The following NHEJ1 variants were observed in gnomAD, a reference collection of about 807,000 sequenced individuals.
NHEJ1 encodes the protein non-homologous end-joining factor 1.
A neutral mutation model predicts 39.4 loss-of-function variants in NHEJ1; 22 were observed. The observed-to-expected ratio is 0.56, with a 90% confidence interval of 0.40 to 0.80. NHEJ1 has a LOEUF of 0.80. Among genes scored for constraint, NHEJ1 ranks in the 30% least tolerant of loss-of-function variants. The probability of loss-of-function intolerance (pLI) is 0.00; values close to 1 mark genes in which losing one functional copy is unlikely to be tolerated. For missense variants in NHEJ1, 329 were observed against 357.1 expected (o/e 0.92, Z 0.63); for synonymous variants, 154 against 135.6 (o/e 1.14, Z -0.94).
intron 5 of NHEJ1, among the ~76,000 whole-genome samples, chr2:219,082,183 A>C (rs1468767136): frequency 6.6e-6 from 1 of 152,188 alleles, no homozygotes; most frequent in African/African-American, 2.4e-5. Flanking sequence ...TGATTTTTTC[A>C]ACAGCCACAA....
chr2:219,109,184 G>A (rs936473190), intron 5 of NHEJ1, among the ~76,000 whole-genome samples: 1 of 152,072 alleles, frequency 6.6e-6, no homozygotes, highest in Non-Finnish European at 1.5e-5. Context: ...ACATCTCAAT[G>A]CCAGTCTTTT....
intron 5 of NHEJ1, among the ~76,000 whole-genome samples, chr2:219,108,668 G>A (rs552726364): frequency 6.6e-6 from 1 of 152,250 alleles, no homozygotes; most frequent in East Asian, 1.9e-4. Context: ...TTTTATGAGA[G>A]TGCTATAAAT....
At chr2:219,098,700 C>T (rs1559190289) in intron 5 of NHEJ1, among the ~76,000 whole-genome samples, 1 of 152,072 alleles carries the variant, frequency 6.6e-6, no homozygotes, top group Non-Finnish European at 1.5e-5. Context: ...CCTGTAATTC[C>T]ACCACTTTGA....
chr2:219,079,467 C>T (rs1949043527), intron 5 of NHEJ1, among the ~76,000 whole-genome samples: 1 of 152,204 alleles, frequency 6.6e-6, no homozygotes, highest in South Asian at 2.1e-4. Flanking sequence ...AAAGCAGGTG[C>T]TGAACCAGTC....
chr2:219,148,584 A>G (rs574823186), intron 3 of NHEJ1, among the ~76,000 whole-genome samples: 1 of 152,266 alleles, frequency 6.6e-6, no homozygotes, highest in South Asian at 2.1e-4. Context: ...AAACAAACAA[A>G]CAAATGAGAA....
chr2:219,150,887 C>T (rs936546790), intron 3 of NHEJ1, among the ~76,000 whole-genome samples: 5 of 151,168 alleles, frequency 3.3e-5, no homozygotes, highest in African/African-American at 9.7e-5. Flanking sequence ...ACCCAGGAGG[C>T]GGAGGGTGCA....
At chr2:219,119,714 T>C (rs1010228842) in intron 5 of NHEJ1, among the ~76,000 whole-genome samples, 3 of 152,096 alleles carry the variant, frequency 2.0e-5, no homozygotes, top group South Asian at 4.1e-4. Context: ...TCACCATAAA[T>C]CCTAAAGGAA....
At chr2:219,081,232 G>A (rs1222660299) in intron 5 of NHEJ1, among the ~76,000 whole-genome samples, 1 of 152,190 alleles carries the variant, frequency 6.6e-6, no homozygotes, top group Admixed American at 6.5e-5. Flanking sequence ...ATATACTAGG[G>A]AAGAGAGGTG....
chr2:219,085,175 CAG>C (rs1949100576), intron 5 of NHEJ1, among the ~76,000 whole-genome samples: 2 of 152,230 alleles, frequency 1.3e-5, no homozygotes, highest in Admixed American at 1.3e-4. Context: ...ACAGTTTCCT[CAG>C]AGTCTGAGAG....
At chr2:219,121,599 G>C (rs1191193871) in intron 5 of NHEJ1, among the ~76,000 whole-genome samples, 1 of 151,964 alleles carries the variant, frequency 6.6e-6, no homozygotes, top group East Asian at 1.9e-4. Context: ...CTGGCACTTC[G>C]GAAGGCTGAG....
rs567974959 is a variant in NHEJ1, at chr2:219,098,026, G to A, written c.589-19820C>T. Among the ~76,000 whole-genome samples, 4 of 152,316 alleles carry A rather than the reference G, an allele frequency of 2.6e-5. No individual in the cohort carries two copies. In the East Asian group the frequency reaches 7.7e-4, roughly 29 times the overall value. On this transcript the variant is annotated intron_variant, in intron 5 of 7. Transcript: ENST00000356853. ...TGCTCTGGAAACCAAATGAAAGTAT[G>A]TCGAGAAGGACTGGGCGACCAACTC... is the stretch of plus-strand genomic sequence containing the variant.
In NHEJ1 at chr2:219,145,783, T is replaced by C. The variant is rs1255706280; in HGVS notation, c.588+897A>G. ...TCCCATCTCTACTAAAAATACAAAA[T>C]TAGCTGGGTGTGGTGGCACATGCCT... is the stretch of plus-strand genomic sequence containing the variant. On this transcript the variant is annotated intron_variant, in intron 5 of 7. Coordinates refer to ENST00000356853, the MANE Select transcript of NHEJ1 (RefSeq NM_024782.3). 2.6e-5 allele frequency among the ~76,000 whole-genome samples: 4 copies of C among 151,962 alleles called. No homozygotes were observed. In the East Asian group the frequency reaches 7.8e-4, roughly 30 times the overall value.
chr2:219,142,706 C>G (rs1949703294), intron 5 of NHEJ1, among the ~76,000 whole-genome samples: 1 of 152,198 alleles, frequency 6.6e-6, no homozygotes, highest in Admixed American at 6.5e-5. Flanking sequence ...TGCCGTGTAA[C>G]AACAGTCCCT....
intron 5 of NHEJ1, among the ~76,000 whole-genome samples, chr2:219,106,370 A>G (rs997759530): frequency 1.1e-4 from 17 of 152,182 alleles, no homozygotes; most frequent in Admixed American, 9.2e-4. Context: ...GGCCTAAGTG[A>G]CGTCTGAGAC....
Position 219,076,006 on chromosome 2 carries a change from A to G in NHEJ1, c.*375T>C. The G allele has an allele frequency of 2.6e-6, 1 of 386,174 alleles. No homozygotes were observed. Among genetic ancestry groups the G allele is most frequent in the Non-Finnish European group, 4.7e-6 (1 of 214,254 alleles). 23.9% of individuals were successfully genotyped at this position (386,174 alleles called of 1,614,324 possible). A position where few individuals can be genotyped will look rare whatever the true frequency, so the allele number is the denominator to read the frequency against. ...GTGCTTTTTATTCCATGCAAAAGAG[A>G]GAAGTGGGTCTCTGAGGAGTATCTG... On this transcript the variant is annotated 3_prime_UTR_variant, in exon 8 of 8. Coordinates refer to ENST00000356853, the MANE Select transcript of NHEJ1 (RefSeq NM_024782.3).
chr2:219,140,857 GC>G lies in NHEJ1; in HGVS notation c.588+5822del, dbSNP rs537748573. ...TTATAGTGGAATGCCAGAGGAGCAG[GC>G]TGAAGATGTCAAAAGGATCAAATCA... On this transcript the variant is annotated intron_variant, in intron 5 of 7. Coordinates refer to ENST00000356853, the MANE Select transcript of NHEJ1 (RefSeq NM_024782.3). 1.6e-3 allele frequency among the ~76,000 whole-genome samples: 243 copies of G among 152,296 alleles called. 2 individuals carry two copies. The highest frequency in any genetic ancestry group is 5.6e-3 in the African/African-American group (234 of 41,564).
intron 5 of NHEJ1, among the ~76,000 whole-genome samples, chr2:219,127,515 G>A (rs1949536827): frequency 6.6e-6 from 1 of 152,114 alleles, no homozygotes. Context: ...AAGTAACCCT[G>A]CCAGTAATCC....
chr2:219,159,538 CATAT>C (rs570504745), intron 1 of NHEJ1, among the ~76,000 whole-genome samples: 1,747 of 50,210 alleles, frequency 0.035, 173 homozygotes, highest in Non-Finnish European at 0.042. Flanking sequence ...TATATATATG[CATAT>C]ATATATATGC....
intron 5 of NHEJ1, among the ~76,000 whole-genome samples, chr2:219,126,059 G>A (rs1949511570): frequency 6.6e-6 from 1 of 152,210 alleles, no homozygotes; most frequent in African/African-American, 2.4e-5. Flanking sequence ...TCATTTCCAT[G>A]TTTCATGGTC....
Sources: gnomAD v4.1 joint callset for allele counts (sites outside exome capture counted in the v4.1 genomes callset) on GRCh38, gnomAD v4.1.1 for gene constraint, MANE v1.5 for transcripts, NCBI Gene and HGNC (gene_info 2026-07-23, HGNC 2026-07-21) for gene names.